The following KLF8 variants were observed in gnomAD, a reference collection of about 807,000 sequenced individuals.
KLF8 encodes the protein Krueppel-like factor 8.
A neutral mutation model predicts 18.2 loss-of-function variants in KLF8; 10 were observed. That is an observed-to-expected ratio of 0.55 (90% confidence interval 0.34 to 0.93). The LOEUF is 0.93. Ranked by LOEUF, KLF8 falls within the 40% of genes least tolerant of loss-of-function variation. The pLI, the probability that KLF8 is intolerant of heterozygous loss-of-function variation, is 0.02. For missense variants in KLF8, 264 were observed against 277.9 expected, an observed-to-expected ratio of 0.95 and a Z score of 0.36; for synonymous variants, 109 against 97.3, an observed-to-expected ratio of 1.12 and a Z score of -0.71.
At chrX:55,964,783 G>C in the KLF8 span, among the ~76,000 whole-genome samples, 1 of 111,637 alleles carries the variant, frequency 9.0e-6, no homozygotes, top group Admixed American at 9.5e-5. Flanking sequence ...ACACTTCTAT[G>C]TACACAAATT....
chrX:55,960,592 A>T, the KLF8 span, among the ~76,000 whole-genome samples: 1 of 40,119 alleles, frequency 2.5e-5, no homozygotes, highest in Non-Finnish European at 1.0e-4. Context: ...GGAGGAGAAG[A>T]AGGAGAAGGA....
At chrX:56,135,004 T>C in the KLF8 span, among the ~76,000 whole-genome samples, 1 of 110,520 alleles carries the variant, frequency 9.0e-6, no homozygotes, top group South Asian at 3.8e-4. Context: ...TAAAAATCAA[T>C]ACCACGAAGG....
At chrX:56,234,167 C>G (rs1200150486) in intron 1 of KLF8, among the ~76,000 whole-genome samples, 1 of 111,420 alleles carries the variant, frequency 9.0e-6, no homozygotes, top group Non-Finnish European at 1.9e-5. Flanking sequence ...TTATATTCAT[C>G]GTGAAGAAAC....
the KLF8 span, among the ~76,000 whole-genome samples, chrX:56,032,405 C>T: frequency 9.0e-6 from 1 of 111,116 alleles, no homozygotes; most frequent in Non-Finnish European, 1.9e-5. Context: ...GCAATGTATA[C>T]CATTCTGTAA....
the KLF8 span, among the ~76,000 whole-genome samples, chrX:56,061,877 A>G: frequency 5.5e-5 from 6 of 108,393 alleles, no homozygotes; most frequent in Non-Finnish European, 9.5e-5. Context: ...TACGATAGTT[A>G]CCTCTTCTTG....
At chrX:56,164,690 C>A in the KLF8 span, among the ~76,000 whole-genome samples, 1 of 95,334 alleles carries the variant, frequency 1.0e-5, no homozygotes, top group Non-Finnish European at 2.1e-5. Flanking sequence ...GTTCTGTCTG[C>A]TCAGTATATT....
At chrX:55,979,384 A>G in the KLF8 span, among the ~76,000 whole-genome samples, 1 of 111,678 alleles carries the variant, frequency 9.0e-6, no homozygotes, top group Non-Finnish European at 1.9e-5. Flanking sequence ...GAGAAAAGTA[A>G]AACATAGTAT....
At chrX:56,256,744 C>T (rs1446011142) in intron 2 of KLF8, among the ~76,000 whole-genome samples, 2 of 111,891 alleles carry the variant, frequency 1.8e-5, no homozygotes, top group Non-Finnish European at 3.8e-5. Context: ...ACTGTTGTTG[C>T]CCAGTCTGGA....
chrX:56,041,858 T>G, the KLF8 span, among the ~76,000 whole-genome samples: 2 of 111,608 alleles, frequency 1.8e-5, no homozygotes, highest in East Asian at 5.6e-4. Context: ...CTCAGCTAAC[T>G]TTTGTATTTT....
the KLF8 span, among the ~76,000 whole-genome samples, chrX:56,084,256 G>A: frequency 9.0e-6 from 1 of 110,579 alleles, no homozygotes; most frequent in African/African-American, 3.3e-5. Flanking sequence ...GGTGGCACAT[G>A]CCTGTGGTCC....
At chrX:55,995,323 G>T in the KLF8 span, among the ~76,000 whole-genome samples, 10 of 112,249 alleles carry the variant, frequency 8.9e-5, no homozygotes, top group Non-Finnish European at 1.9e-4. Flanking sequence ...ATGCACTTGG[G>T]TCTTGCTTTA....
At chrX:56,134,268 C>T in the KLF8 span, among the ~76,000 whole-genome samples, 2 of 111,520 alleles carry the variant, frequency 1.8e-5, no homozygotes, top group Admixed American at 9.5e-5. Context: ...TTCAAACTAT[C>T]CTATAAGGCC....
intron 5 of KLF8, among the ~76,000 whole-genome samples, chrX:56,277,662 C>A (rs7056345): frequency 0.055 from 6,214 of 112,000 alleles, 290 homozygotes; most frequent in African/African-American, 0.16. Context: ...TGGCTATTGC[C>A]AGTGTTCACT....
the KLF8 span, among the ~76,000 whole-genome samples, chrX:56,101,767 C>A: frequency 8.9e-6 from 1 of 111,997 alleles, no homozygotes; most frequent in Non-Finnish European, 1.9e-5. Context: ...AGTGCCTGTC[C>A]ATGTCCTTTG....
chrX:56,148,707 G>A, the KLF8 span, among the ~76,000 whole-genome samples: 1 of 111,975 alleles, frequency 8.9e-6, no homozygotes, highest in East Asian at 2.8e-4. Flanking sequence ...TATCTTACAT[G>A]GTGGCAGGCA....
the KLF8 span, chrX:55,961,756 G>T: frequency 3.0e-6 from 1 of 334,799 alleles, no homozygotes; most frequent in Non-Finnish European, 5.6e-6. Context: ...CCAAGACTTG[G>T]TGTTTGACTT....
chrX:56,221,527 C>T, the KLF8 span, among the ~76,000 whole-genome samples: 69 of 111,388 alleles, frequency 6.2e-4, no homozygotes, highest in Middle Eastern at 4.6e-3. Flanking sequence ...TTAAAGGCAG[C>T]GTGTCAGGAG....
chrX:55,976,569 T>TACACTCAC, the KLF8 span, among the ~76,000 whole-genome samples: 1 of 102,537 alleles, frequency 9.8e-6, no homozygotes, highest in African/African-American at 3.6e-5. Flanking sequence ...TCCATTTGTG[T>TACACTCAC]ACACACACAC....
At chrX:56,049,311 A>T in the KLF8 span, among the ~76,000 whole-genome samples, 5 of 111,445 alleles carry the variant, frequency 4.5e-5, no homozygotes, top group Non-Finnish European at 9.4e-5. Context: ...ATGTTGAATA[A>T]GAGTGGTGAG....
Sources: gnomAD v4.1 joint callset for allele counts (sites outside exome capture counted in the v4.1 genomes callset) on GRCh38, gnomAD v4.1.1 for gene constraint, MANE v1.5 for transcripts, NCBI Gene and HGNC (gene_info 2026-07-23, HGNC 2026-07-21) for gene names.